USP9X: variants seen among roughly 807,000 people sequenced by gnomAD.
USP9X encodes ubiquitin specific peptidase 9 X-linked, also known as ubiquitin carboxyl-terminal hydrolase 9X.
In USP9X, 7 loss-of-function variants were observed where a neutral mutation model predicts 190.3. The observed-to-expected ratio is 0.04, with a 90% CI of 0.02 to 0.07. USP9X has a LOEUF of 0.07. Ranked by LOEUF, USP9X falls within the 10% of genes least tolerant of loss-of-function variation. USP9X has a pLI of 1.00. For synonymous variants in USP9X, 645 were observed against 659.5 expected (o/e 0.98, Z 0.34); for missense variants, 1,010 against 1,916.9 (o/e 0.53, Z 8.83).
chrX:41,139,567 A>G (rs959271593), intron 6 of USP9X, among the ~76,000 whole-genome samples: 2 of 112,160 alleles, frequency 1.8e-5, no homozygotes, highest in Admixed American at 9.4e-5. Context: ...AGGCTGAAGC[A>G]GGAGAATCCT....
intron 33 of USP9X, among the ~76,000 whole-genome samples, chrX:41,211,406 A>G (rs954973292): frequency 8.8e-6 from 1 of 113,113 alleles, no homozygotes; most frequent in African/African-American, 3.2e-5. Context: ...AGTGATTATA[A>G]TAGTGTAAAT....
intron 24 of USP9X, 68 bp from the exon 25 acceptor site, chrX:41,187,924 T>C (rs2062896270): frequency 9.3e-7 from 1 of 1,079,840 alleles, no homozygotes; most frequent in Non-Finnish European, 1.2e-6. Flanking sequence ...AAGTGAAACA[T>C]TTTTGTTTTT....
chrX:41,195,754 A>C (rs1260509799), intron 26 of USP9X, among the ~76,000 whole-genome samples: 1 of 112,070 alleles, frequency 8.9e-6, no homozygotes. Context: ...CGCTGATCTG[A>C]CAGGAGGCGG....
chrX:41,149,794 C>T (rs1176371087), intron 12 of USP9X, among the ~76,000 whole-genome samples: 1 of 109,819 alleles, frequency 9.1e-6, no homozygotes, highest in South Asian at 4.0e-4. Flanking sequence ...ACCTCCGCCT[C>T]CCAGGTTCAA....
At chrX:41,179,719 C>G in intron 21 of USP9X, among the ~76,000 whole-genome samples, 1 of 111,971 alleles carries the variant, frequency 8.9e-6, no homozygotes, top group African/African-American at 3.2e-5. Flanking sequence ...GGAAAGGCTT[C>G]TTAATCAGTC....
At position 41,089,903 on chromosome X, in the gene USP9X, G is replaced by GTTTTTTTTTTTTT. The variant is rs139093155; in HGVS notation, c.-159+3810_-159+3822dup. On this transcript the variant is annotated intron_variant, in intron 1 of 44. Coordinates refer to ENST00000378308, the MANE Select transcript of USP9X (RefSeq NM_001039591.3). ...CTATAGGAGTTTAGGATCTATGAGG[G>GTTTTTTTTTTTTT]TTTTTTTTTTTTTTTTTTTTTTTTT... is the stretch of plus-strand genomic sequence containing the variant. 1.3e-3 allele frequency among the ~76,000 whole-genome samples: 39 copies of GTTTTTTTTTTTTT among 30,356 alleles called. 7 individuals are homozygous for GTTTTTTTTTTTTT. The highest frequency in any genetic ancestry group is 1.7e-3 in the Non-Finnish European group (31 of 18,133). 26.4% of individuals were successfully genotyped at this position (30,356 alleles called of 115,157 possible).
At chrX:41,142,683 G>T (rs942662844) in intron 9 of USP9X, among the ~76,000 whole-genome samples, 1 of 111,430 alleles carries the variant, frequency 9.0e-6, no homozygotes, top group African/African-American at 3.3e-5. Context: ...ACTTTATTCT[G>T]TTGCTATAGA....
At chrX:41,182,740 T>C (rs186729056) in intron 21 of USP9X, among the ~76,000 whole-genome samples, 9 of 110,832 alleles carry the variant, frequency 8.1e-5, no homozygotes, top group African/African-American at 2.9e-4. Context: ...GATAAAATGA[T>C]ATAGATGAAT....
intron 33 of USP9X, among the ~76,000 whole-genome samples, chrX:41,210,937 C>CTTCCTTTCCT (rs763766414): frequency 9.1e-6 from 1 of 109,962 alleles, no homozygotes; most frequent in East Asian, 2.8e-4. Flanking sequence ...CAGTCTCTTT[C>CTTCCTTTCCT]TTCCTTTCCT....
At chrX:41,169,676 G>A (rs959653526) in intron 18 of USP9X, among the ~76,000 whole-genome samples, 1 of 110,417 alleles carries the variant, frequency 9.1e-6, no homozygotes, top group African/African-American at 3.3e-5. Context: ...GGCTGATCTC[G>A]AACTACTGAC....
At chrX:41,201,695 GC>G (rs2063043166) in intron 31 of USP9X, among the ~76,000 whole-genome samples, 1 of 112,792 alleles carries the variant, frequency 8.9e-6, no homozygotes, top group South Asian at 3.6e-4. Flanking sequence ...AGTTGGCTGG[GC>G]ATGGTAGCTC....
At chrX:41,177,622 A>G (rs1372538339) in intron 21 of USP9X, among the ~76,000 whole-genome samples, 2 of 112,215 alleles carry the variant, frequency 1.8e-5, no homozygotes, top group African/African-American at 3.2e-5. Flanking sequence ...CTTCGTAACT[A>G]TCTTTTTCCT....
intron 14 of USP9X, among the ~76,000 whole-genome samples, chrX:41,157,784 T>C (rs1257275487): frequency 9.0e-6 from 1 of 111,583 alleles, no homozygotes; most frequent in Admixed American, 9.5e-5. Flanking sequence ...AGACTGCCTT[T>C]GAAGGAGGCC....
chrX:41,110,192 G>A (rs986449017), intron 1 of USP9X, among the ~76,000 whole-genome samples: 3 of 111,188 alleles, frequency 2.7e-5, no homozygotes, highest in Admixed American at 1.9e-4. Flanking sequence ...CTCAGCCTCC[G>A]GAGTAGCTGG....
At chrX:41,171,998 A>G (rs2062730870) in intron 21 of USP9X, 40 bp downstream of exon 21, 2 of 1,196,737 alleles carry the variant, frequency 1.7e-6, no homozygotes, top group Admixed American at 2.2e-5. Context: ...TTGCTGGACA[A>G]TAAAGGAGTA....
At chrX:41,142,292 T>A (rs1411461433) in intron 9 of USP9X, among the ~76,000 whole-genome samples, 1 of 111,593 alleles carries the variant, frequency 9.0e-6, no homozygotes, top group Non-Finnish European at 1.9e-5. Context: ...AGAATGGCAT[T>A]AAGTGTTTAG....
intron 1 of USP9X, among the ~76,000 whole-genome samples, chrX:41,092,842 GT>G (rs1201796434): frequency 2.7e-5 from 3 of 110,379 alleles, no homozygotes; most frequent in African/African-American, 9.9e-5. Flanking sequence ...GAATTGGTCT[GT>G]TACCATAGTT....
intron 4 of USP9X, among the ~76,000 whole-genome samples, chrX:41,133,718 C>G (rs1360165275): frequency 8.9e-6 from 1 of 111,991 alleles, no homozygotes; most frequent in Non-Finnish European, 1.9e-5. Flanking sequence ...TGGCTTATTT[C>G]ACTTACCATG....
chrX:41,236,522 A>C lies in USP9X; in HGVS notation c.*3998A>C, dbSNP rs1219610579. On this transcript the variant is annotated 3_prime_UTR_variant, in exon 45 of 45. Transcript: ENST00000378308. ...TACAAGCCAACAGACTGACATGAAG[A>C]TTGTTCACAGTTCCTAAGATTTAGC... is the stretch of plus-strand genomic sequence containing the variant. The C allele has an allele frequency of 1.8e-5, 2 of 112,675 alleles. No homozygotes were observed. The highest frequency in any genetic ancestry group is 3.8e-5 in the Non-Finnish European group (2 of 53,256). The allele number at this position is 112,675 out of a possible 1,213,427, so 9.3% of individuals were successfully genotyped here. A position where few individuals can be genotyped will look rare whatever the true frequency, so the allele number is the denominator to read the frequency against.
Sources: gnomAD v4.1 joint callset for allele counts (sites outside exome capture counted in the v4.1 genomes callset) on GRCh38, gnomAD v4.1.1 for gene constraint, MANE v1.5 for transcripts, NCBI Gene and HGNC (gene_info 2026-07-23, HGNC 2026-07-21) for gene names.